The following MPP7 variants were observed in gnomAD, a reference collection of about 807,000 sequenced individuals.
MPP7 encodes the protein MAGUK p55 subfamily member 7.
MPP7 carries 60 observed loss-of-function variants against 76.5 expected under a neutral mutation model. That is an observed-to-expected ratio of 0.78 (90% CI 0.64 to 0.97). MPP7 has a LOEUF of 0.97. Among genes scored for constraint, MPP7 ranks in the 50% least tolerant of loss-of-function variants. The pLI is 0.00. For missense variants in MPP7, 641 were observed against 694.0 expected (o/e 0.92, Z 0.86); for synonymous variants, 237 against 244.5 (o/e 0.97, Z 0.29).
chr10:28,329,630 C>CA lies in MPP7; in HGVS notation c.-132+298dup, dbSNP rs10547710. 5.8e-3 allele frequency among the ~76,000 whole-genome samples: 616 copies of CA among 106,134 alleles called. 4 individuals are homozygous for CA. Among genetic ancestry groups the CA allele is most frequent in the East Asian group, 0.026 (77 of 2,946 alleles). The allele number at this position is 106,134 out of a possible 152,430, so 69.6% of individuals were successfully genotyped here. ...TGGGCAACAGAGCGAGACTCCGTCT[C>CA]AAAAAAAAAAAAAAAAAAAAAACCA... On this transcript the variant is annotated intron_variant, in intron 2 of 11. Coordinates refer to the MPP7 transcript ENST00000441595.
intron 3 of MPP7, among the ~76,000 whole-genome samples, chr10:28,158,188 G>C (rs1836134050): frequency 6.6e-6 from 1 of 152,096 alleles, no homozygotes; most frequent in Admixed American, 6.5e-5. Flanking sequence ...AGTCCCCAAA[G>C]CTGAGGAAAA....
At chr10:28,257,711 A>T (rs1839829594) in intron 1 of MPP7, among the ~76,000 whole-genome samples, 1 of 150,512 alleles carries the variant, frequency 6.6e-6, no homozygotes, top group African/African-American at 2.5e-5. Flanking sequence ...TAACCTGCAC[A>T]AAGTGCACAT....
intron 2 of MPP7, among the ~76,000 whole-genome samples, chr10:28,209,212 A>C (rs949261806): frequency 9.2e-5 from 14 of 152,170 alleles, no homozygotes; most frequent in African/African-American, 3.1e-4. Flanking sequence ...AATGCAAAGA[A>C]CGACCCAACA....
chr10:28,236,747 G>C (rs1274330041), intron 2 of MPP7: 1 of 152,104 alleles, frequency 6.6e-6, no homozygotes, highest in Admixed American at 6.6e-5. Context: ...CGGGTGCCTT[G>C]CTCCTGTGGC....
At chr10:28,118,912 G>A in intron 11 of MPP7, 1 of 985,344 alleles carries the variant, frequency 1.0e-6, no homozygotes, top group Non-Finnish European at 1.2e-6. Flanking sequence ...TTAATGTACA[G>A]TTTCTATGCT....
At chr10:28,272,296 C>CA (rs1367740547) in intron 1 of MPP7, among the ~76,000 whole-genome samples, 3 of 152,060 alleles carry the variant, frequency 2.0e-5, no homozygotes, top group Non-Finnish European at 4.4e-5. Flanking sequence ...AAATATATAC[C>CA]AAAATGTGCT....
In MPP7 at chr10:28,147,514, A is replaced by G. The variant is rs1420540377; in HGVS notation, c.284T>C (p.Leu95Pro). The G allele has an allele frequency of 7.4e-6, 12 of 1,614,004 alleles. No individual in the cohort carries two copies. The Admixed American group carries it at 1.3e-4, about 18-fold the overall frequency. The change falls in exon 5 of 17, where the codon CTG becomes CCG. Residue 95 changes from leucine (L) to proline (P), a missense_variant. Leu to Pro is a moderately conservative substitution (Grantham distance 98). Coordinates refer to ENST00000683449, the MANE Select transcript of MPP7 (RefSeq NM_001318170.2). ...NKPLNSEIRE[L>P]LKLLSKPNVK... is the part of the protein sequence containing the mutation. The stretch of plus-strand genomic sequence containing the variant: ...ATTGGGTTTTGACAGTAGTTTCAAC[A>G]GCTCTCTGATCTCACTGTTTAATGG...
In MPP7 at chr10:28,163,090, T is replaced by C. The variant is rs375166078; in HGVS notation, c.157-13031A>G. On this transcript the variant is annotated intron_variant, in intron 3 of 16. Coordinates refer to ENST00000683449, the MANE Select transcript of MPP7 (RefSeq NM_001318170.2). Reference sequence around the variant, plus strand: ...GTCATAGGGTCCAGGGAGAAAGACGTCTTGAGGGTAGTGAAGGGGTGGAGG... The same window carrying C: ...GTCATAGGGTCCAGGGAGAAAGACGCCTTGAGGGTAGTGAAGGGGTGGAGG... Among the ~76,000 whole-genome samples, 9 of 152,062 alleles carry C rather than the reference T, an allele frequency of 5.9e-5. No individual in the cohort carries two copies. The East Asian group carries it at 7.7e-4, about 13-fold the overall frequency.
At chr10:28,144,080 G>C (rs186676662) in intron 5 of MPP7, among the ~76,000 whole-genome samples, 2 of 152,162 alleles carry the variant, frequency 1.3e-5, no homozygotes, top group South Asian at 2.1e-4. Flanking sequence ...GTAGAGATGG[G>C]GTTTCACCAT....
chr10:28,291,032 C>CAATGTCCATGGAGAAG (rs1840906294), intron 1 of MPP7, among the ~76,000 whole-genome samples: 1 of 152,196 alleles, frequency 6.6e-6, no homozygotes, highest in Non-Finnish European at 1.5e-5. Context: ...CATATATTAA[C>CAATGTCCATGGAGAAG]AATGTCCATG....
At chr10:28,164,320 C>T (rs140659716) in intron 3 of MPP7, among the ~76,000 whole-genome samples, 34 of 152,048 alleles carry the variant, frequency 2.2e-4, no homozygotes, top group African/African-American at 7.7e-4. Context: ...TCTGGGAAAG[C>T]GCTTTTTAAT....
At chr10:28,215,830 TG>T (rs1838292014) in intron 2 of MPP7, among the ~76,000 whole-genome samples, 1 of 152,214 alleles carries the variant, frequency 6.6e-6, no homozygotes, top group African/African-American at 2.4e-5. Flanking sequence ...CTTGCTTTGC[TG>T]AACAACTTAT....
intron 11 of MPP7, among the ~76,000 whole-genome samples, chr10:28,100,479 C>T (rs1853773034): frequency 6.6e-6 from 1 of 152,110 alleles, no homozygotes. Flanking sequence ...CTAGGTTAGT[C>T]AGCTTCCGTA....
chr10:28,139,019 C>T lies in MPP7; in HGVS notation c.316-7328G>A, dbSNP rs117194024. Among the ~76,000 whole-genome samples the T allele has an allele frequency of 9.7e-3, 1,473 of 152,146 alleles. 36 individuals are homozygous for T. Among genetic ancestry groups the T allele is most frequent in the East Asian group, 0.076 (392 of 5,178 alleles). On this transcript the variant is annotated intron_variant, in intron 5 of 16. Transcript: ENST00000683449. ...CTGAGACCCTCATTACAGCAGTTACCACTGTTACTGCCTGAGACCCTCATT... is the reference window on the plus strand; with the variant it reads ...CTGAGACCCTCATTACAGCAGTTACTACTGTTACTGCCTGAGACCCTCATT...
intron 1 of MPP7, among the ~76,000 whole-genome samples, chr10:28,289,708 G>A (rs1440475648): frequency 1.3e-5 from 2 of 152,174 alleles, no homozygotes; most frequent in African/African-American, 2.4e-5. Flanking sequence ...GGCTTTGGGT[G>A]GAGAAATGGA....
chr10:28,273,645 C>T (rs1287459452), intron 1 of MPP7, among the ~76,000 whole-genome samples: 1 of 152,220 alleles, frequency 6.6e-6, no homozygotes, highest in African/African-American at 2.4e-5. Context: ...AAGTCTTCTG[C>T]TACTTTAAGG....
intron 10 of MPP7, among the ~76,000 whole-genome samples, 172 bp from the exon 11 acceptor site, chr10:28,119,887 T>G (rs1455111869): frequency 6.6e-6 from 1 of 152,034 alleles, no homozygotes; most frequent in Non-Finnish European, 1.5e-5. Context: ...TTTTGTAAAT[T>G]ATCTTCCCTC....
At chr10:28,201,377 T>C (rs1837766562) in intron 3 of MPP7, among the ~76,000 whole-genome samples, 1 of 152,164 alleles carries the variant, frequency 6.6e-6, no homozygotes, top group African/African-American at 2.4e-5. Flanking sequence ...ATAGGTCCAG[T>C]TATCATTGAG....
chr10:28,143,321 G>A (rs1835588047), intron 5 of MPP7, among the ~76,000 whole-genome samples: 1 of 152,134 alleles, frequency 6.6e-6, no homozygotes. Flanking sequence ...AATGACGATA[G>A]GGGCTTCTAC....
Sources: gnomAD v4.1 joint callset for allele counts (sites outside exome capture counted in the v4.1 genomes callset) on GRCh38, gnomAD v4.1.1 for gene constraint, MANE v1.5 for transcripts, NCBI Gene and HGNC (gene_info 2026-07-23, HGNC 2026-07-21) for gene names.